The following WDR81 variants were observed in gnomAD, a reference collection of about 807,000 sequenced individuals.
WDR81 encodes the protein WD repeat domain 81.
In WDR81, 92 loss-of-function variants were observed where a neutral mutation model predicts 140.8. That is an observed-to-expected ratio of 0.65 (90% CI 0.55 to 0.78). The LOEUF is 0.78. Among genes scored for constraint, WDR81 ranks in the 30% least tolerant of loss-of-function variants. WDR81 has a pLI of 0.00. For synonymous variants in WDR81, 1,183 were observed against 1,156.4 expected, an observed-to-expected ratio of 1.02 and a Z score of -0.47; for missense variants, 2,502 against 2,636.4, an observed-to-expected ratio of 0.95 and a Z score of 1.12.
chr17:1,734,597 G>A (rs8065919), intron 7 of WDR81, among the ~76,000 whole-genome samples: 26,335 of 151,892 alleles, frequency 0.17, 2,497 homozygotes, highest in Non-Finnish European at 0.23. Flanking sequence ...TGGCTAACAT[G>A]GTGAAACCCC....
At chr17:1,716,832 C>G (rs1382709813) in intron 1 of WDR81, 9 of 642,532 alleles carry the variant, frequency 1.4e-5, no homozygotes, top group Non-Finnish European at 2.4e-5. Context: ...CGTCAGCCCC[C>G]AGGGCAGCAG....
At chr17:1,718,890 G>C (rs1914724584) in intron 1 of WDR81, among the ~76,000 whole-genome samples, 1 of 152,126 alleles carries the variant, frequency 6.6e-6, no homozygotes, top group Non-Finnish European at 1.5e-5. Context: ...TTCGAGTCCA[G>C]GGTTTCGCCA....
At chr17:1,724,645 C>G (rs1597283662), upstream of WDR81, 13 of 1,025,050 alleles carry the variant, frequency 1.3e-5, no homozygotes, top group South Asian at 4.6e-5. Context: ...GGGTCCCGCC[C>G]GGGCCTCTGG....
At chr17:1,717,212 T>G (rs1210696471) in intron 1 of WDR81, 1 of 153,506 alleles carries the variant, frequency 6.5e-6, no homozygotes, top group Non-Finnish European at 1.5e-5. Flanking sequence ...ATGAGCAGGC[T>G]GCTCCTTCCC....
At chr17:1,729,911 G>A (rs2151167666) in intron 1 of WDR81, among the ~76,000 whole-genome samples, 1 of 151,932 alleles carries the variant, frequency 6.6e-6, no homozygotes, top group African/African-American at 2.4e-5. Context: ...GAGAGTCAGG[G>A]CGGTGGAAGG....
intron 6 of WDR81, 122 bp downstream of exon 6, chr17:1,732,953 A>G: frequency 7.6e-7 from 1 of 1,312,050 alleles, no homozygotes; most frequent in East Asian, 2.5e-5. Flanking sequence ...GATGGGTGAG[A>G]GCAAAGGGAT....
Position 1,727,538 on chromosome 17 carries a change from C to T in WDR81, c.2579C>T (p.Pro860Leu). The change falls in exon 1 of 10, where the codon CCA becomes CTA. Residue 860 changes from proline (P) to leucine (L), a missense_variant. By Grantham distance (98) the Pro-to-Leu change is moderately conservative. This residue lies in a region of WDR81 where 1,737 missense variants were observed against 1,843.0 expected (regional missense o/e 0.94). Transcript: ENST00000409644. ...TCCCAGGGCCTGCCCCCACCCTGCC[C>T]AAGCCAGCTTCTCAGCCCCTTCAGC... ...PVSQGLPPPC[P>L]SQLLSPFSSV... is the part of the protein sequence containing the mutation. 6.4e-7 allele frequency: 1 copy of T among 1,550,440 alleles called. No individual in the cohort carries two copies. Among genetic ancestry groups the T allele is most frequent in the Non-Finnish European group, 8.7e-7 (1 of 1,147,000 alleles).
chr17:1,730,275 C>T, intron 1 of WDR81, 105 bp from the exon 2 acceptor site: 2 of 921,884 alleles, frequency 2.2e-6, no homozygotes, highest in South Asian at 3.4e-5. Flanking sequence ...GGGCTCTTGG[C>T]AGAGCTGCAG....
In WDR81 at chr17:1,728,269, A is replaced by C; in HGVS notation, c.3310A>C (p.Ser1104Arg). ...CCAGCCCCAGGAGGCTGAGGCTGTGAGCCTGGGCCGGCTGAGTGACAAGAG... is the reference window on the plus strand; with the variant it reads ...CCAGCCCCAGGAGGCTGAGGCTGTGCGCCTGGGCCGGCTGAGTGACAAGAG... The part of the protein sequence containing the change: ...SPQPQEAEAV[S>R]LGRLSDKSST... The change falls in exon 1 of 10, where the codon AGC (serine) becomes CGC (arginine). Residue 1104 changes from serine to arginine, a missense_variant. Coordinates refer to ENST00000409644, the MANE Select transcript of WDR81 (RefSeq NM_001163809.2). The C allele has an allele frequency of 1.2e-6, 2 of 1,612,438 alleles. No individual in the cohort carries two copies. Among genetic ancestry groups the C allele is most frequent in the Non-Finnish European group, 1.7e-6 (2 of 1,179,788 alleles).
In WDR81 at chr17:1,725,578, TGCCCCCCTCGGGGCA is replaced by T. The variant is rs1567717997; in HGVS notation, c.624_638del (p.Pro209_Pro213del). The T allele has an allele frequency of 1.3e-6, 2 of 1,545,262 alleles. No individual in the cohort carries two copies. The highest frequency in any genetic ancestry group is 1.7e-4 in the Middle Eastern group (1 of 5,992). ...CCCTTCATATGCCAGAGAAGGCCCCTGCCCCCCTCGGGGCAGCCCTGCTTGCCCTAGTCTTTTACG... is the reference window on the plus strand; with the variant it reads ...CCCTTCATATGCCAGAGAAGGCCCCTGCCCTGCTTGCCCTAGTCTTTTACG... On this transcript the variant is annotated inframe_deletion, in exon 1 of 10. Transcript: ENST00000409644.
intron 1 of WDR81, 67 bp from the exon 2 acceptor site, chr17:1,730,313 G>C: frequency 7.5e-7 from 1 of 1,338,590 alleles, no homozygotes; most frequent in Non-Finnish European, 1.0e-6. Context: ...GGGTGCCGTG[G>C]GGTGGGGTGG....
At position 1,732,682 on chromosome 17, in the gene WDR81, C is replaced by A; in HGVS notation, c.4340C>A (p.Pro1447His). 1 of 1,608,008 alleles carries A rather than the reference C, an allele frequency of 6.2e-7. No individual in the cohort carries two copies. The highest frequency in any genetic ancestry group is 8.5e-7 in the Non-Finnish European group (1 of 1,177,154). Residue 1447 changes from proline to histidine, a missense_variant, in exon 6 of 10, where the codon CCT (proline) becomes CAT (histidine). This residue lies in a region of WDR81 where 1,737 missense variants were observed against 1,843.0 expected (regional missense o/e 0.94). Coordinates refer to ENST00000409644, the MANE Select transcript of WDR81 (RefSeq NM_001163809.2). ...ELRQQDLKLD[P>H]AGRGEGQLPQ... ...TGCTCATAGGATCTGAAGCTGGACC[C>A]TGCGGGCCGTGGTGAGGGCCAGCTG...
chr17:1,722,495 C>T (rs548820969), upstream of WDR81, among the ~76,000 whole-genome samples: 490 of 151,002 alleles, frequency 3.2e-3, 5 homozygotes, highest in Non-Finnish European at 1.9e-3. Context: ...TAGAGGCGTC[C>T]GCCACCACAC....
Position 1,735,638 on chromosome 17 carries a change from C to T in WDR81, c.5246C>T (p.Pro1749Leu). The change falls in exon 8 of 10, where the codon CCC becomes CTC. Residue 1749 changes from proline to leucine, a missense_variant. Pro to Leu is a moderately conservative substitution (Grantham distance 98). Transcript: ENST00000409644. This position sits in a 1 kb window ranked among gnomAD's most constrained non-coding sequence, Gnocchi z 4.2. The part of the protein sequence containing the change: ...RVPLTAVAVM[P>L]APHTSITMAS... ...CCCCTGACTGCGGTGGCTGTCATGC[C>T]CGCCCCCCACACCAGCATCACCATG... 3 of 1,612,906 alleles carry T rather than the reference C, an allele frequency of 1.9e-6. No individual in the cohort carries two copies. The highest frequency in any genetic ancestry group is 2.5e-6 in the Non-Finnish European group (3 of 1,179,938).
rs1180364543 is a variant in WDR81 at position 1,716,687 on chromosome 17, A to G, written c.-124+54A>G. 44 of 1,538,426 alleles carry G rather than the reference A, an allele frequency of 2.9e-5. 1 individual carries two copies. The East Asian group carries it at 4.9e-4, about 17-fold the overall frequency. On this transcript the variant is annotated intron_variant, in intron 1 of 10. Transcript: ENST00000309182. ...GAATCCAGCCCGGGGAAGTCCTTAA[A>G]GGGCGACAGCCCCTCCTTGTTGGAG... is the stretch of plus-strand genomic sequence containing the variant.
Position 1,731,211 on chromosome 17 carries a change from T to A in WDR81, c.4110T>A (p.His1370Gln). ...TLMDILPRIS[H>Q]EVLLPVLSFL... ...TGGACATCCTGCCCCGGATCAGCCA[T>A]GAGGTCCTGCTGCCCGTGCTCAGCT... is the stretch of plus-strand genomic sequence containing the variant. Residue 1370 changes from histidine (H) to glutamine (Q), a missense_variant, in exon 4 of 10, where the codon CAT becomes CAA. Physicochemically the swap from His to Gln is conservative, Grantham distance 24 (BLOSUM62 0). Around this residue, in one of 3 missense-constraint regions of WDR81, gnomAD observed 1,737 missense variants for 1,843.0 expected, o/e 0.94. Coordinates refer to ENST00000409644, the MANE Select transcript of WDR81 (RefSeq NM_001163809.2). The A allele has an allele frequency of 6.2e-7, 1 of 1,613,366 alleles. No homozygotes were observed. Among genetic ancestry groups the A allele is most frequent in the East Asian group, 2.2e-5 (1 of 44,870 alleles).
In WDR81 at chr17:1,735,799, G is replaced by T; in HGVS notation, c.5325+82G>T. 6.6e-7 allele frequency: 1 copy of T among 1,517,970 alleles called. No homozygotes were observed. The highest frequency in any genetic ancestry group is 8.8e-7 in the Non-Finnish European group (1 of 1,130,446). 94.0% of individuals were successfully genotyped at this position (1,517,970 alleles called of 1,614,324 possible). A position where few individuals can be genotyped will look rare whatever the true frequency, so the allele number is the denominator to read the frequency against. ...AGGAGAGACTCCCCAAAAACAGAAA[G>T]CCAGGATGTTGTTCTGGGGCCCTAG... On this transcript the variant is annotated intron_variant, in intron 8 of 9. Coordinates refer to ENST00000409644, the MANE Select transcript of WDR81 (RefSeq NM_001163809.2). The surrounding 1 kb of genome is among the most constrained non-coding windows in gnomAD (Gnocchi z 4.2).
Position 1,733,708 on chromosome 17 carries a change from G to C in WDR81, c.4671G>C (p.Gly1557=). The C allele has an allele frequency of 6.2e-7, 1 of 1,612,632 alleles. No individual in the cohort carries two copies. Among genetic ancestry groups the C allele is most frequent in the Non-Finnish European group, 8.5e-7 (1 of 1,179,852 alleles). The change falls in exon 7 of 10, where the codon GGG becomes GGC. Residue 1557 remains glycine (G), a synonymous_variant. Coordinates refer to ENST00000409644, the MANE Select transcript of WDR81 (RefSeq NM_001163809.2). ...GGCPQDDGHS[G]TFGSVLVGNR... ...GCCCTCAGGATGACGGCCACTCAGG[G>C]ACCTTTGGGAGCGTCCTGGTGGGGA...
At chr17:1,733,159 A>G (rs190787678) in intron 6 of WDR81, among the ~76,000 whole-genome samples, 69 of 152,248 alleles carry the variant, frequency 4.5e-4, no homozygotes, top group African/African-American at 1.6e-3. Flanking sequence ...TGGGCCCTGC[A>G]CGGTGCTGTG....
Sources: gnomAD v4.1 joint callset for allele counts (sites outside exome capture counted in the v4.1 genomes callset) on GRCh38, gnomAD v4.1.1 for gene constraint, gnomAD v4.1.1 regional missense constraint, Gnocchi (gnomAD v3.1) non-coding constraint, MANE v1.5 for transcripts, NCBI Gene and HGNC (gene_info 2026-07-23, HGNC 2026-07-21) for gene names.